The following MEIKIN variants were observed in gnomAD, a reference collection of about 807,000 sequenced individuals.
MEIKIN encodes meiotic kinetochore factor, also known as meiosis-specific kinetochore protein.
At chr5:131,889,240 C>A (rs975799819) in intron 8 of MEIKIN, among the ~76,000 whole-genome samples, 4 of 152,038 alleles carry the variant, frequency 2.6e-5, no homozygotes, top group African/African-American at 7.2e-5. Context: ...TTTTCCAGTT[C>A]TGTGAAGAAA....
At chr5:131,860,527 C>T (rs1472578664) in intron 9 of MEIKIN, among the ~76,000 whole-genome samples, 2 of 151,414 alleles carry the variant, frequency 1.3e-5, no homozygotes, top group African/African-American at 4.9e-5. Flanking sequence ...CTGACTGCAA[C>T]CTCCGCCTCC....
intron 8 of MEIKIN, among the ~76,000 whole-genome samples, chr5:131,895,022 T>C (rs879653082): frequency 6.6e-6 from 1 of 152,200 alleles, no homozygotes; most frequent in Non-Finnish European, 1.5e-5. Context: ...TTCAGTATGA[T>C]ATTGGCTGTA....
At chr5:131,926,966 ATTTC>A (rs142286666) in intron 5 of MEIKIN, among the ~76,000 whole-genome samples, 21 of 151,892 alleles carry the variant, frequency 1.4e-4, no homozygotes, top group Admixed American at 5.9e-4. Flanking sequence ...AGTTTCACTG[ATTTC>A]TTTCTATTTT....
intron 7 of MEIKIN, among the ~76,000 whole-genome samples, chr5:131,914,331 C>G (rs1561753693): frequency 6.8e-6 from 1 of 147,916 alleles, no homozygotes; most frequent in African/African-American, 2.5e-5. Context: ...TTACAGTGAG[C>G]TATGATGGTG....
intron 11 of MEIKIN, among the ~76,000 whole-genome samples, chr5:131,836,059 C>A (rs1365145727): frequency 6.6e-6 from 1 of 152,150 alleles, no homozygotes; most frequent in Non-Finnish European, 1.5e-5. Flanking sequence ...CCACTCTCCA[C>A]CCTTTAAAAG....
At chr5:131,832,013 CCCTCCAAATCTCATGT>C (rs987213524) in intron 11 of MEIKIN, among the ~76,000 whole-genome samples, 1 of 152,022 alleles carries the variant, frequency 6.6e-6, no homozygotes, top group African/African-American at 2.4e-5. Flanking sequence ...CACCCCTGGC[CCCTCCAAATCTCATGT>C]CCTCACATTT....
intron 9 of MEIKIN, among the ~76,000 whole-genome samples, chr5:131,863,954 T>G (rs1750334634): frequency 6.6e-6 from 1 of 152,218 alleles, no homozygotes. Flanking sequence ...TGTGGAACTG[T>G]AAGTCCATTA....
rs574003065 is a variant in MEIKIN at position 131,836,433 on chromosome 5, G to A, written c.975+14831C>T. 1.2e-4 allele frequency among the ~76,000 whole-genome samples: 19 copies of A among 152,250 alleles called. No homozygotes were observed. In the South Asian group the frequency reaches 1.5e-3, roughly 12 times the overall value. On this transcript the variant is annotated intron_variant, in intron 11 of 12. Coordinates refer to ENST00000442687, the MANE Select transcript of MEIKIN (RefSeq NM_001303622.2). ...TACCCAATAATGAAATTGCTGGGTC[G>A]AATGGTAGTTCTGTTTTTAGCTGTT...
chr5:131,891,701 T>G (rs1476833492), intron 8 of MEIKIN, among the ~76,000 whole-genome samples: 1 of 152,208 alleles, frequency 6.6e-6, no homozygotes, highest in African/African-American at 2.4e-5. Context: ...AATTAGAGCA[T>G]TTAGCCCATT....
chr5:131,808,468 G>A (rs761494366), intron 12 of MEIKIN, among the ~76,000 whole-genome samples: 21 of 152,022 alleles, frequency 1.4e-4, no homozygotes, highest in Non-Finnish European at 2.9e-4. Flanking sequence ...TTCTTACTAC[G>A]CTGCACCAGT....
intron 9 of MEIKIN, among the ~76,000 whole-genome samples, chr5:131,872,270 T>C (rs1750518748): frequency 6.6e-6 from 1 of 151,870 alleles, no homozygotes; most frequent in Non-Finnish European, 1.5e-5. Flanking sequence ...GACGAATGGA[T>C]AACTAGAATA....
At chr5:131,909,839 T>A (rs1450736481) in intron 8 of MEIKIN, among the ~76,000 whole-genome samples, 1 of 152,128 alleles carries the variant, frequency 6.6e-6, no homozygotes, top group Non-Finnish European at 1.5e-5. Context: ...TCACTGATCA[T>A]CAGAGAAATG....
chr5:131,904,462 T>C (rs1045026233), intron 8 of MEIKIN, among the ~76,000 whole-genome samples: 4 of 152,014 alleles, frequency 2.6e-5, no homozygotes, highest in African/African-American at 9.7e-5. Flanking sequence ...TACCAACCAC[T>C]CTCTCAGACC....
chr5:131,878,336 G>A (rs1238017160), intron 9 of MEIKIN, among the ~76,000 whole-genome samples: 1 of 152,196 alleles, frequency 6.6e-6, no homozygotes, highest in African/African-American at 2.4e-5. Context: ...CGGAGGCCGA[G>A]GCGGGCGGAT....
intron 11 of MEIKIN, among the ~76,000 whole-genome samples, chr5:131,825,116 C>A (rs1208636153): frequency 6.6e-6 from 1 of 152,138 alleles, no homozygotes; most frequent in Non-Finnish European, 1.5e-5. Context: ...GGGAGGATCA[C>A]TTTAACCCAG....
Position 131,865,385 on chromosome 5 carries a change from A to G in MEIKIN, c.775-10551T>C, listed in dbSNP as rs778157542. On this transcript the variant is annotated intron_variant, in intron 9 of 12. Transcript: ENST00000442687. ...CAGGCATGCGCCACCATGCCCGGCT[A>G]ATTTTTTGTATTTTTAGTAGAGACA... is the stretch of plus-strand genomic sequence containing the variant. Among the ~76,000 whole-genome samples, 61 of 149,806 alleles carry G rather than the reference A, an allele frequency of 4.1e-4. No homozygotes were observed. The Middle Eastern group carries it at 0.01, about 25-fold the overall frequency.
chr5:131,827,284 C>G (rs192076938), intron 11 of MEIKIN, among the ~76,000 whole-genome samples: 21 of 152,000 alleles, frequency 1.4e-4, no homozygotes, highest in Non-Finnish European at 2.8e-4. Context: ...CATGACCAGC[C>G]AAAATTGTTT....
At chr5:131,855,839 C>T (rs1312658549) in intron 9 of MEIKIN, among the ~76,000 whole-genome samples, 2 of 152,064 alleles carry the variant, frequency 1.3e-5, no homozygotes, top group Admixed American at 6.6e-5. Flanking sequence ...AGCAAAGAAA[C>T]GGGTAGAAAG....
chr5:131,873,424 G>A (rs961371077), intron 9 of MEIKIN, among the ~76,000 whole-genome samples: 5 of 152,222 alleles, frequency 3.3e-5, no homozygotes, highest in South Asian at 2.1e-4. Context: ...AATGGTAAAG[G>A]CATCAATTCA....
Sources: gnomAD v4.1 joint callset for allele counts (sites outside exome capture counted in the v4.1 genomes callset) on GRCh38, gnomAD v4.1.1 for gene constraint, MANE v1.5 for transcripts, NCBI Gene and HGNC (gene_info 2026-07-23, HGNC 2026-07-21) for gene names.